The following WASHC2C variants were observed in gnomAD, a reference collection of about 807,000 sequenced individuals.
The protein encoded by WASHC2C is WASH complex subunit 2C.
A neutral mutation model predicts 142.2 loss-of-function variants in WASHC2C; 73 were observed. That is an observed-to-expected ratio of 0.51 (90% confidence interval 0.43 to 0.62). WASHC2C has a LOEUF of 0.62. WASHC2C is among the 20% of genes least tolerant of loss of function. The pLI, the probability that WASHC2C is intolerant of heterozygous loss-of-function variation, is 0.00. For missense variants in WASHC2C, 969 were observed against 1,531.7 expected, an observed-to-expected ratio of 0.63 and a Z score of 6.13; for synonymous variants, 337 against 565.5, an observed-to-expected ratio of 0.60 and a Z score of 5.73.
intron 21 of WASHC2C, among the ~76,000 whole-genome samples, chr10:45,774,765 C>T (rs1554885890): frequency 1.1e-5 from 1 of 94,182 alleles, no homozygotes; most frequent in African/African-American, 4.0e-5. Flanking sequence ...ACTGAGAATG[C>T]GTCCCAGAGT....
chr10:45,764,582 A>G (rs1417054334), intron 18 of WASHC2C, among the ~76,000 whole-genome samples: 3 of 150,998 alleles, frequency 2.0e-5, no homozygotes, highest in South Asian at 2.1e-4. Context: ...GGGAAGAGAA[A>G]TAAGAGAGAA....
intron 15 of WASHC2C, among the ~76,000 whole-genome samples, chr10:45,755,983 A>G (rs2054233968): frequency 1.3e-5 from 2 of 151,276 alleles, no homozygotes; most frequent in African/African-American, 4.9e-5. Flanking sequence ...TGTGAGGGAA[A>G]ACGATAGCCT....
At chr10:45,751,622 A>G in intron 11 of WASHC2C, 69 bp downstream of exon 11, 1 of 685,370 alleles carries the variant, frequency 1.5e-6, no homozygotes, top group Non-Finnish European at 2.5e-6. Flanking sequence ...TACATAATTC[A>G]TGAAGTACTG....
intron 3 of WASHC2C, among the ~76,000 whole-genome samples, chr10:45,730,900 T>C (rs1340576641): frequency 6.6e-6 from 1 of 151,796 alleles, no homozygotes; most frequent in Non-Finnish European, 1.5e-5. Flanking sequence ...ATTACAGGCC[T>C]GAGCCACGGC....
chr10:45,754,674 T>G (rs570843386), intron 14 of WASHC2C, 129 bp downstream of exon 14: 43 of 985,044 alleles, frequency 4.4e-5, no homozygotes, highest in Admixed American at 2.0e-4. Context: ...TTTGAGCATC[T>G]TATAGAAAGA....
intron 8 of WASHC2C, among the ~76,000 whole-genome samples, chr10:45,747,074 T>C (rs2052924166): frequency 6.6e-6 from 1 of 152,244 alleles, no homozygotes; most frequent in Non-Finnish European, 1.5e-5. Flanking sequence ...AGGCGTATTC[T>C]TTTCATAGTG....
At chr10:45,746,982 A>G (rs1355079171) in intron 8 of WASHC2C, among the ~76,000 whole-genome samples, 1 of 152,228 alleles carries the variant, frequency 6.6e-6, no homozygotes, top group African/African-American at 2.4e-5. Context: ...ACAATCTAGC[A>G]GTAACATTAT....
intron 3 of WASHC2C, among the ~76,000 whole-genome samples, chr10:45,732,592 T>A (rs1375168189): frequency 1.1e-4 from 17 of 150,600 alleles, no homozygotes; most frequent in Non-Finnish European, 2.1e-4. Flanking sequence ...TTTGTAAAAT[T>A]AAAAAAAAAA....
intron 2 of WASHC2C, among the ~76,000 whole-genome samples, chr10:45,727,953 A>G (rs2050089817): frequency 6.6e-6 from 1 of 152,234 alleles, no homozygotes; most frequent in South Asian, 2.1e-4. Flanking sequence ...TCGAGTCCCA[A>G]ATGAATAGGA....
At chr10:45,772,101 G>A (rs2056648385) in intron 20 of WASHC2C, among the ~76,000 whole-genome samples, 1 of 152,246 alleles carries the variant, frequency 6.6e-6, no homozygotes, top group Non-Finnish European at 1.5e-5. Context: ...CCTAGAACAT[G>A]AATGAACCTA....
rs1311079432 is a variant in WASHC2C at position 45,750,855 on chromosome 10, T to C, written c.931+17T>C. The C allele has an allele frequency of 6.5e-6, 10 of 1,545,132 alleles. No individual in the cohort carries two copies. The highest frequency in any genetic ancestry group is 7.9e-6 in the Non-Finnish European group (9 of 1,144,742). On this transcript the variant is annotated intron_variant, in intron 10 of 30. Coordinates refer to ENST00000623400, the MANE Select transcript of WASHC2C (RefSeq NM_001330074.2). ...AGCCGACAAGTGAGCCCCAGCCACG[T>C]TGATGGGGAGTAGGGGAGGAGTAGT...
intron 14 of WASHC2C, 125 bp from the exon 15 acceptor site, chr10:45,754,811 G>A: frequency 1.5e-6 from 2 of 1,311,952 alleles, no homozygotes; most frequent in Non-Finnish European, 2.1e-6. Flanking sequence ...AGGCTATTGG[G>A]CCCTGTTATG....
At position 45,727,550 on chromosome 10, in the gene WASHC2C, G is replaced by A. The variant is rs2050003552; in HGVS notation, c.126+11G>A. 5 of 1,571,544 alleles carry A rather than the reference G, an allele frequency of 3.2e-6. No homozygotes were observed. Among genetic ancestry groups the A allele is most frequent in the South Asian group, 1.1e-5 (1 of 87,228 alleles). ...GCGGCCGACGCGGGCGTGAGAGGCGGGCCCCGGGGACGCGAGAGCGGCAGG... is the reference window on the plus strand; with the variant it reads ...GCGGCCGACGCGGGCGTGAGAGGCGAGCCCCGGGGACGCGAGAGCGGCAGG... On this transcript the variant is annotated intron_variant, in intron 2 of 30. Transcript: ENST00000623400.
Position 45,792,949 on chromosome 10 carries a change from T to A in WASHC2C, c.*549T>A, listed in dbSNP as rs1212397880. Reference sequence around the variant, plus strand: ...GTCATATTTTGTTAATAAAATTTTATTGGAACACAATCACATTCATTTGTT... The same window carrying A: ...GTCATATTTTGTTAATAAAATTTTAATGGAACACAATCACATTCATTTGTT... On this transcript the variant is annotated 3_prime_UTR_variant, in exon 31 of 31. Transcript: ENST00000623400. 1.8e-3 allele frequency: 828 copies of A among 469,056 alleles called. 2 individuals are homozygous for A. The highest frequency in any genetic ancestry group is 3.5e-3 in the Middle Eastern group (5 of 1,446). The allele number at this position is 469,056 out of a possible 1,614,324, so 29.1% of individuals were successfully genotyped here.
rs549513623 is a variant in WASHC2C at position 45,758,276 on chromosome 10, C to A, written c.1549-1039C>A. Reference sequence around the variant, plus strand: ...CGTTTGTCACTTGGTTGTTAGGGTGCCCACCACACTGCTTCATTGGAAAGG... The same window carrying A: ...CGTTTGTCACTTGGTTGTTAGGGTGACCACCACACTGCTTCATTGGAAAGG... On this transcript the variant is annotated intron_variant, in intron 16 of 30. Coordinates refer to ENST00000623400, the MANE Select transcript of WASHC2C (RefSeq NM_001330074.2). Among the ~76,000 whole-genome samples, 22 of 152,278 alleles carry A rather than the reference C, an allele frequency of 1.4e-4. No homozygotes were observed. In the East Asian group the frequency reaches 2.9e-3, roughly 20 times the overall value.
intron 7 of WASHC2C, among the ~76,000 whole-genome samples, chr10:45,745,331 C>T (rs1442057008): frequency 2.6e-5 from 4 of 152,038 alleles, no homozygotes. Context: ...TTGCTGCTGC[C>T]GCTAGCGCTT....
chr10:45,755,067 G>T lies in WASHC2C; in HGVS notation c.1372G>T (p.Asp458Tyr). The change falls in exon 15 of 31, where the codon GAT becomes TAT. Residue 458 changes from aspartate to tyrosine, a missense_variant. Physicochemically the swap from Asp to Tyr is radical, Grantham distance 160 (BLOSUM62 -3). Transcript: ENST00000623400. Reference sequence around the variant, plus strand: ...CCTCTTTGATGATGATGATGGTGATGATGATGACGACTTTTTCTCGGCACC... The same window carrying T: ...CCTCTTTGATGATGATGATGGTGATTATGATGACGACTTTTTCTCGGCACC... ...TGLFDDDDGD[D>Y]DDDFFSAPHS... is the part of the protein sequence containing the mutation. 1 of 1,611,624 alleles carries T rather than the reference G, an allele frequency of 6.2e-7. No individual in the cohort carries two copies. The highest frequency in any genetic ancestry group is 8.5e-7 in the Non-Finnish European group (1 of 1,179,802).
intron 21 of WASHC2C, among the ~76,000 whole-genome samples, chr10:45,775,359 C>T (rs1325429706): frequency 5.1e-5 from 6 of 118,706 alleles, no homozygotes; most frequent in Admixed American, 1.8e-4. Flanking sequence ...TGGTGGTGCA[C>T]GCCTGTGATC....
Position 45,750,810 on chromosome 10 carries a change from C to G in WASHC2C, c.903C>G (p.Ala301=), listed in dbSNP as rs2053488471. The change falls in exon 10 of 31, where the codon GCC becomes GCG. Residue 301 remains alanine (A), a synonymous_variant. Transcript: ENST00000623400. ...TGGCTGCCCGCATCAAGGGGGATGCCATGGGTCGAGTGGACGAGGAGCCGA... is the reference window on the plus strand; with the variant it reads ...TGGCTGCCCGCATCAAGGGGGATGCGATGGGTCGAGTGGACGAGGAGCCGA... The part of the protein sequence containing the change: ...DELAARIKGD[A]MGRVDEEPTT... 2 of 1,548,522 alleles carry G rather than the reference C, an allele frequency of 1.3e-6. No homozygotes were observed. The highest frequency in any genetic ancestry group is 2.4e-5 in the South Asian group (2 of 83,936).
Sources: gnomAD v4.1 joint callset for allele counts (sites outside exome capture counted in the v4.1 genomes callset) on GRCh38, gnomAD v4.1.1 for gene constraint, MANE v1.5 for transcripts, NCBI Gene and HGNC (gene_info 2026-07-23, HGNC 2026-07-21) for gene names.